Variants in BRWD3 observed in about 807,000 individuals in gnomAD.
BRWD3 encodes the protein bromodomain and WD repeat-containing protein 3.
A neutral mutation model predicts 149.7 loss-of-function variants in BRWD3; 10 were observed. That is an observed-to-expected ratio of 0.07 (90% confidence interval 0.04 to 0.11). BRWD3 has a LOEUF of 0.11. Ranked by LOEUF, BRWD3 falls within the 10% of genes least tolerant of loss-of-function variation. The pLI, the probability that BRWD3 is intolerant of heterozygous loss-of-function variation, is 1.00. For missense variants in BRWD3, 940 were observed against 1,373.2 expected (o/e 0.68, Z 4.99); for synonymous variants, 504 against 456.7 (o/e 1.10, Z -1.32).
chrX:80,808,589 G>T lies in BRWD3; in HGVS notation c.130C>A (p.Arg44Ser). ...TCTTTCCCCTCCCAATCTAAGCGGCGCGGAATCAGCTGGGGGCCGGACGAA... is the reference window on the plus strand; with the variant it reads ...TCTTTCCCCTCCCAATCTAAGCGGCTCGGAATCAGCTGGGGGCCGGACGAA... ...QELEEHQLIP[R>S]RLDWEGKEHR... Residue 44 changes from arginine to serine, a missense_variant, in exon 4 of 41, where the codon CGC becomes AGC. Transcript: ENST00000373275. 1.7e-6 allele frequency: 2 copies of T among 1,208,780 alleles called. No homozygotes were observed. The highest frequency in any genetic ancestry group is 2.2e-6 in the Non-Finnish European group (2 of 894,082).
chrX:80,702,230 C>T (rs1287313979), intron 24 of BRWD3, among the ~76,000 whole-genome samples: 1 of 112,264 alleles, frequency 8.9e-6, no homozygotes, highest in Non-Finnish European at 1.9e-5. Flanking sequence ...GGTTTACATA[C>T]ATCTTCCTCA....
At chrX:80,695,305 T>G (rs2147699368) in intron 27 of BRWD3, among the ~76,000 whole-genome samples, 1 of 112,091 alleles carries the variant, frequency 8.9e-6, no homozygotes, top group Non-Finnish European at 1.9e-5. Context: ...TACAGCAGTG[T>G]GAAAATGAAC....
Position 80,677,111 on chromosome X carries a change from A to C in BRWD3, c.4907T>G (p.Val1636Gly), listed in dbSNP as rs762470311. The C allele has an allele frequency of 5.8e-6, 7 of 1,209,806 alleles. No homozygotes were observed. In the African/African-American group the frequency reaches 1.2e-4, roughly 21 times the overall value. The change falls in exon 41 of 41, where the codon GTA becomes GGA. Residue 1636 changes from valine to glycine, a missense_variant. This residue lies in a region of BRWD3 where 349 missense variants were observed against 419.6 expected (regional missense o/e 0.83). Coordinates refer to ENST00000373275, the MANE Select transcript of BRWD3 (RefSeq NM_153252.5). Reference protein sequence around the residue: ...ESTSRTDQDYVDGDHDYSKFI... With the variant: ...ESTSRTDQDYGDGDHDYSKFI... ...TTTGCTATAATCATGGTCTCCATCT[A>C]CGTAATCTTGATCTGTTCTGGAAGT...
At chrX:80,686,454 G>C (rs2072526377) in intron 35 of BRWD3, among the ~76,000 whole-genome samples, 1 of 107,194 alleles carries the variant, frequency 9.3e-6, no homozygotes, top group Admixed American at 1.0e-4. Flanking sequence ...TTAAAAAAAA[G>C]TAAAGAAAAG....
At chrX:80,760,778 C>A (rs1430588687) in intron 6 of BRWD3, among the ~76,000 whole-genome samples, 1 of 111,649 alleles carries the variant, frequency 9.0e-6, no homozygotes, top group Non-Finnish European at 1.9e-5. Flanking sequence ...ATTAGCAATG[C>A]AACCCATTAT....
At chrX:80,767,877 A>C (rs1445264785) in intron 6 of BRWD3, among the ~76,000 whole-genome samples, 1 of 112,074 alleles carries the variant, frequency 8.9e-6, no homozygotes, top group African/African-American at 3.2e-5. Flanking sequence ...GTGTAGAGAA[A>C]AACTTAAATG....
At chrX:80,734,874 G>A (rs1233996739) in intron 10 of BRWD3, among the ~76,000 whole-genome samples, 1 of 110,098 alleles carries the variant, frequency 9.1e-6, no homozygotes, top group Non-Finnish European at 1.9e-5. Context: ...TGGGTATTTA[G>A]AGTAGGGGGT....
intron 6 of BRWD3, among the ~76,000 whole-genome samples, chrX:80,770,283 G>T (rs892987853): frequency 2.7e-5 from 3 of 111,360 alleles, no homozygotes; most frequent in South Asian, 3.8e-4. Context: ...CCAAAGCCTG[G>T]CAGAGACACA....
At chrX:80,770,265 G>A (rs2073923502) in intron 6 of BRWD3, among the ~76,000 whole-genome samples, 1 of 111,406 alleles carries the variant, frequency 9.0e-6, no homozygotes, top group South Asian at 3.8e-4. Flanking sequence ...GCCAACATCA[G>A]CTTGATACCA....
At chrX:80,750,893 C>T (rs73227313) in intron 6 of BRWD3, among the ~76,000 whole-genome samples, 9,027 of 107,091 alleles carry the variant, frequency 0.084, 354 homozygotes, top group South Asian at 0.19. Flanking sequence ...CACACACACA[C>T]GCAAAAATCA....
At chrX:80,808,754 A>C in intron 3 of BRWD3, among the ~76,000 whole-genome samples, 156 bp from the exon 4 acceptor site, 1 of 45,983 alleles carries the variant, frequency 2.2e-5, no homozygotes, top group Non-Finnish European at 3.8e-5. Context: ...GAGCTAGACA[A>C]GTATATGGGG....
chrX:80,781,306 T>C lies in BRWD3; in HGVS notation c.430+10548A>G, dbSNP rs182621393. On this transcript the variant is annotated intron_variant, in intron 6 of 40. Transcript: ENST00000373275. ...TCCCTCCCCGTGTGCTCTCAGGCGATAGATGAGTGGCTATTTCTTTATCTT... is the reference window on the plus strand; with the variant it reads ...TCCCTCCCCGTGTGCTCTCAGGCGACAGATGAGTGGCTATTTCTTTATCTT... Among the ~76,000 whole-genome samples the C allele has an allele frequency of 1.1e-4, 12 of 111,347 alleles. No individual in the cohort carries two copies. The Admixed American group carries it at 1.1e-3, about 11-fold the overall frequency.
chrX:80,808,933 C>A (rs1044007511), intron 3 of BRWD3, 80 bp downstream of exon 3: 9 of 1,064,929 alleles, frequency 8.5e-6, no homozygotes, highest in Non-Finnish European at 1.2e-5. Flanking sequence ...TATCCCAGCC[C>A]GTCTTCCGCC....
At chrX:80,740,879 T>A (rs2073478662) in intron 8 of BRWD3, among the ~76,000 whole-genome samples, 1 of 111,439 alleles carries the variant, frequency 9.0e-6, no homozygotes. Flanking sequence ...TAATACAAGG[T>A]ATGCCAATAT....
At chrX:80,694,766 C>T (rs1302947326) in intron 27 of BRWD3, among the ~76,000 whole-genome samples, 1 of 111,314 alleles carries the variant, frequency 9.0e-6, no homozygotes, top group African/African-American at 3.3e-5. Context: ...AATACCTGTA[C>T]CCCCACTGTA....
intron 6 of BRWD3, among the ~76,000 whole-genome samples, chrX:80,751,569 T>G (rs1024967969): frequency 8.9e-6 from 1 of 112,248 alleles, no homozygotes; most frequent in African/African-American, 3.2e-5. Flanking sequence ...AAAACTATTT[T>G]GTTACTCATA....
At chrX:80,677,836 A>C (rs1160841086) in intron 40 of BRWD3, among the ~76,000 whole-genome samples, 1 of 112,004 alleles carries the variant, frequency 8.9e-6, no homozygotes, top group African/African-American at 3.2e-5. Flanking sequence ...ACATGTTATA[A>C]AGAGGATTAA....
intron 35 of BRWD3, among the ~76,000 whole-genome samples, chrX:80,685,996 GAAA>G (rs755731765): frequency 7.2e-5 from 8 of 111,364 alleles, no homozygotes; most frequent in African/African-American, 2.3e-4. Context: ...TACCTTTATT[GAAA>G]AGAAAAGTCC....
intron 4 of BRWD3, among the ~76,000 whole-genome samples, chrX:80,806,963 C>T (rs914955013): frequency 7.1e-5 from 8 of 111,988 alleles, no homozygotes; most frequent in Non-Finnish European, 1.5e-4. Context: ...TTCAAAAAAG[C>T]TTTTTCCTTT....
Sources: allele counts gnomAD v4.1 joint callset (sites outside exome capture counted in the v4.1 genomes callset), GRCh38; gene constraint gnomAD v4.1.1; regional missense constraint gnomAD v4.1.1; transcripts MANE v1.5; gene names NCBI Gene and HGNC (gene_info 2026-07-23, HGNC 2026-07-21).